The following DLG2 variants were observed in gnomAD, a reference collection of about 807,000 sequenced individuals.
DLG2 encodes discs large MAGUK scaffold protein 2.
In DLG2, 45 loss-of-function variants were observed where a neutral mutation model predicts 132.5. The ratio of observed to expected loss-of-function variants is 0.34; its 90% CI spans 0.27 to 0.44. DLG2 has a LOEUF of 0.44. Ranked by LOEUF, DLG2 falls within the 20% of genes least tolerant of loss-of-function variation. The pLI is 1.00. For missense variants in DLG2, 1,045 were observed against 1,196.9 expected (o/e 0.87, Z 1.87); for synonymous variants, 424 against 419.6 (o/e 1.01, Z -0.13).
At chr11:85,383,635 A>G (rs2086083587) in intron 3 of DLG2, among the ~76,000 whole-genome samples, 1 of 152,196 alleles carries the variant, frequency 6.6e-6, no homozygotes, top group Non-Finnish European at 1.5e-5. Flanking sequence ...TCTAACGTCA[A>G]CTATCCGGCA....
chr11:85,525,787 T>C (rs1025399840), intron 3 of DLG2, among the ~76,000 whole-genome samples: 1 of 152,176 alleles, frequency 6.6e-6, no homozygotes, highest in Admixed American at 6.5e-5. Context: ...AGTTTATGCA[T>C]GTAGTCTCTC....
chr11:84,616,043 C>CA (rs1460183124), intron 6 of DLG2, among the ~76,000 whole-genome samples: 1 of 151,698 alleles, frequency 6.6e-6, no homozygotes, highest in Non-Finnish European at 1.5e-5. Context: ...TTACAAATGA[C>CA]AAAAAAGTAC....
chr11:84,125,557 T>C (rs930501525), intron 9 of DLG2, among the ~76,000 whole-genome samples: 20 of 152,122 alleles, frequency 1.3e-4, no homozygotes, highest in African/African-American at 4.6e-4. Context: ...GCAAGTCAGC[T>C]GTAGGGGGGT....
intron 3 of DLG2, among the ~76,000 whole-genome samples, chr11:85,300,300 A>G (rs1470321997): frequency 2.6e-5 from 4 of 152,314 alleles, no homozygotes; most frequent in Middle Eastern, 3.4e-3. Context: ...AGGCAGAGAA[A>G]GGTTTGTTGG....
intron 6 of DLG2, among the ~76,000 whole-genome samples, chr11:84,898,235 C>A (rs776288648): frequency 2.0e-5 from 3 of 152,052 alleles, no homozygotes; most frequent in Middle Eastern, 3.4e-3. Context: ...AATTTCTAAT[C>A]AGCTGTAATA....
intron 4 of DLG2, among the ~76,000 whole-genome samples, chr11:85,208,462 A>G (rs1486023376): frequency 1.3e-5 from 2 of 152,156 alleles, no homozygotes; most frequent in Non-Finnish European, 2.9e-5. Flanking sequence ...AACAATTTCA[A>G]TTTCAATATG....
At chr11:83,515,260 G>A (rs941399278) in intron 21 of DLG2, among the ~76,000 whole-genome samples, 2 of 152,166 alleles carry the variant, frequency 1.3e-5, no homozygotes, top group Admixed American at 6.5e-5. Flanking sequence ...TCTTGGGAGG[G>A]TGTATGTGTC....
intron 4 of DLG2, among the ~76,000 whole-genome samples, chr11:85,272,660 C>T (rs1218248096): frequency 2.6e-5 from 4 of 152,052 alleles, no homozygotes; most frequent in Non-Finnish European, 4.4e-5. Context: ...GAATCAATAT[C>T]GTGAAAATGG....
At chr11:84,346,440 G>A (rs973845934) in intron 7 of DLG2, among the ~76,000 whole-genome samples, 11 of 152,310 alleles carry the variant, frequency 7.2e-5, no homozygotes, top group East Asian at 1.9e-4. Flanking sequence ...AGTGGTAAGC[G>A]TAAATCTTGA....
intron 7 of DLG2, among the ~76,000 whole-genome samples, chr11:84,313,687 A>AAGAAAGAAAGAAAGAAAGAAAGAAAGAG (rs760229361): frequency 4.2e-5 from 6 of 141,286 alleles, no homozygotes; most frequent in African/African-American, 1.3e-4. Context: ...GAAAGAAAGA[A>AAGAAAGAAAGAAAGAAAGAAAGAAAGAG]AAAGAAAGAG....
intron 7 of DLG2, among the ~76,000 whole-genome samples, chr11:84,329,513 A>C (rs1263875098): frequency 1.3e-5 from 2 of 152,168 alleles, no homozygotes; most frequent in African/African-American, 4.8e-5. Context: ...CTGCCATGTG[A>C]AGAAGGGAAT....
chr11:84,700,133 C>G (rs1365654168), intron 6 of DLG2, among the ~76,000 whole-genome samples: 3 of 151,522 alleles, frequency 2.0e-5, no homozygotes, highest in Admixed American at 6.6e-5. Flanking sequence ...TAATTCCTAA[C>G]CCAGCAAGAA....
intron 8 of DLG2, among the ~76,000 whole-genome samples, chr11:84,238,527 AAAAAG>A (rs956151485): frequency 4.0e-5 from 6 of 151,836 alleles, no homozygotes; most frequent in African/African-American, 1.5e-4. Flanking sequence ...CTCAAAAAAG[AAAAAG>A]AAAAAAAAAA....
intron 9 of DLG2, among the ~76,000 whole-genome samples, chr11:84,133,451 T>C (rs1443877269): frequency 2.0e-5 from 3 of 152,044 alleles, no homozygotes; most frequent in African/African-American, 7.2e-5. Context: ...TAAATATTTA[T>C]AGGATTATTT....
chr11:85,118,907 A>G (rs1448928215), intron 5 of DLG2, among the ~76,000 whole-genome samples: 2 of 151,716 alleles, frequency 1.3e-5, no homozygotes, highest in Admixed American at 1.3e-4. Flanking sequence ...TAATATATAT[A>G]ACATATATGT....
chr11:84,255,627 ACT>A (rs2097456404), intron 7 of DLG2, among the ~76,000 whole-genome samples: 2 of 151,820 alleles, frequency 1.3e-5, no homozygotes, highest in Non-Finnish European at 1.5e-5. Flanking sequence ...CCGGCCATAC[ACT>A]CTCTTTCTTC....
At chr11:85,415,273 G>T (rs964948694) in intron 3 of DLG2, among the ~76,000 whole-genome samples, 2 of 152,112 alleles carry the variant, frequency 1.3e-5, no homozygotes, top group African/African-American at 2.4e-5. Flanking sequence ...TGGGCATTTG[G>T]GTTGGTTCCA....
chr11:84,663,334 C>G (rs1481945260), intron 6 of DLG2, among the ~76,000 whole-genome samples: 1 of 151,516 alleles, frequency 6.6e-6, no homozygotes, highest in Non-Finnish European at 1.5e-5. Flanking sequence ...TCTCTTTCTC[C>G]CTCCCTTCCC....
rs576380423 is a variant in DLG2, at chr11:83,789,560, T to TC, written c.1723-2769_1723-2768insG. Among the ~76,000 whole-genome samples the TC allele has an allele frequency of 2.8e-3, 429 of 152,184 alleles. 3 individuals carry two copies. Among genetic ancestry groups the TC allele is most frequent in the Middle Eastern group, 0.01 (3 of 294 alleles). On this transcript the variant is annotated intron_variant, in intron 17 of 27. Transcript: ENST00000376104. ...TAAACAAACTGATGACTTTTTTTTTTTTTTTGAGACGAAGTCTCGCTCTGT... is the reference window on the plus strand; with the variant it reads ...TAAACAAACTGATGACTTTTTTTTTTCTTTTTGAGACGAAGTCTCGCTCTGT...
Sources: allele counts gnomAD v4.1 joint callset (sites outside exome capture counted in the v4.1 genomes callset), GRCh38; gene constraint gnomAD v4.1.1; transcripts MANE v1.5; gene names NCBI Gene and HGNC (gene_info 2026-07-23, HGNC 2026-07-21).